The following MAGI2 variants were observed in gnomAD, a reference collection of about 807,000 sequenced individuals.
MAGI2 encodes membrane-associated guanylate kinase, WW and PDZ domain-containing protein 2.
Under a neutral mutation model 133.3 loss-of-function variants are expected in MAGI2, and 35 were observed. The observed-to-expected ratio is 0.26, with a 90% CI of 0.20 to 0.35. The LOEUF is 0.35. Among genes scored for constraint, MAGI2 ranks in the 10% least tolerant of loss-of-function variants. The pLI, the probability that MAGI2 is intolerant of heterozygous loss-of-function variation, is 1.00. For missense variants in MAGI2, 1,636 were observed against 1,863.4 expected (o/e 0.88, Z 2.25); for synonymous variants, 729 against 710.6 (o/e 1.03, Z -0.41).
intron 6 of MAGI2, chr7:78,486,824 T>C (rs1449894347): frequency 2.2e-6 from 1 of 455,710 alleles, no homozygotes; most frequent in Non-Finnish European, 4.3e-6. Context: ...GAAATTGCTG[T>C]CCCTGAGCTC....
At chr7:78,236,969 C>T (rs542673257) in intron 10 of MAGI2, among the ~76,000 whole-genome samples, 1 of 152,104 alleles carries the variant, frequency 6.6e-6, no homozygotes, top group Non-Finnish European at 1.5e-5. Context: ...CATCAGATCT[C>T]GTGAGACTTA....
intron 20 of MAGI2, among the ~76,000 whole-genome samples, chr7:78,089,175 G>T (rs570122725): frequency 7.9e-4 from 121 of 152,338 alleles, no homozygotes; most frequent in African/African-American, 2.8e-3. Context: ...TAAGACAATC[G>T]ATTAGTGTTG....
chr7:78,991,042 G>C (rs1805719532), intron 2 of MAGI2, among the ~76,000 whole-genome samples: 1 of 151,306 alleles, frequency 6.6e-6, no homozygotes, highest in Non-Finnish European at 1.5e-5. Context: ...TAGATCATGG[G>C]GGCAGTTTCC....
chr7:78,083,379 GGAGGGGGGGAGAGAGAGAGAGAGA>G (rs1816210319), intron 20 of MAGI2, among the ~76,000 whole-genome samples: 21 of 91,372 alleles, frequency 2.3e-4, no homozygotes, highest in Admixed American at 2.2e-3. Context: ...GGGGAGGGAG[GGAGGGGGGGAGAGAGAGAGAGAGA>G]GAGAGAGAGA....
intron 2 of MAGI2, among the ~76,000 whole-genome samples, chr7:78,808,335 C>T (rs1252789192): frequency 1.3e-5 from 2 of 152,168 alleles, no homozygotes; most frequent in African/African-American, 4.8e-5. Context: ...CGGCTCACTG[C>T]AACTTCCACC....
intron 1 of MAGI2, among the ~76,000 whole-genome samples, chr7:79,136,870 C>T (rs757057952): frequency 1.1e-3 from 173 of 152,118 alleles, no homozygotes; most frequent in Non-Finnish European, 2.1e-3. Context: ...GGGAGGAGGA[C>T]GAGAATGAGA....
intron 1 of MAGI2, among the ~76,000 whole-genome samples, chr7:79,172,213 G>C (rs1825687706): frequency 6.6e-6 from 1 of 151,992 alleles, no homozygotes; most frequent in Non-Finnish European, 1.5e-5. Context: ...AAAAATATAA[G>C]ACAGAGATGA....
Position 78,185,678 on chromosome 7 carries a change from G to A in MAGI2, c.2270-8C>T. ...TCCTGGGTGGCACTTGTTCTGGATGGGAAAATGGGGAATTAAAGTTGAAAT... is the reference window on the plus strand; with the variant it reads ...TCCTGGGTGGCACTTGTTCTGGATGAGAAAATGGGGAATTAAAGTTGAAAT... On this transcript the variant is annotated splice_region_variant and splice_polypyrimidine_tract_variant and intron_variant, in intron 12 of 21. Coordinates refer to ENST00000354212, the MANE Select transcript of MAGI2 (RefSeq NM_012301.4). 6.4e-7 allele frequency: 1 copy of A among 1,559,550 alleles called. No homozygotes were observed. The highest frequency in any genetic ancestry group is 8.7e-7 in the Non-Finnish European group (1 of 1,144,906).
intron 10 of MAGI2, among the ~76,000 whole-genome samples, chr7:78,208,641 A>G (rs1787372992): frequency 6.6e-6 from 1 of 152,268 alleles, no homozygotes. Flanking sequence ...CAATACTTGC[A>G]AATGGAAAAA....
chr7:78,406,111 A>G (rs1213745915), intron 6 of MAGI2, among the ~76,000 whole-genome samples: 2 of 152,016 alleles, frequency 1.3e-5, no homozygotes, highest in Non-Finnish European at 2.9e-5. Context: ...TCGTCATCCT[A>G]GAGATTCCAA....
At chr7:78,955,756 T>C (rs1461895918) in intron 2 of MAGI2, among the ~76,000 whole-genome samples, 9 of 77,854 alleles carry the variant, frequency 1.2e-4, no homozygotes, top group East Asian at 3.6e-4. Flanking sequence ...TTTCTTTCTT[T>C]CTTTCTTTCT....
At chr7:79,006,754 C>A in intron 2 of MAGI2, 1 of 187,432 alleles carries the variant, frequency 5.3e-6, no homozygotes. Flanking sequence ...TTGCATTCTC[C>A]TGTCTCCCAA....
intron 9 of MAGI2, 74 bp from the exon 10 acceptor site, chr7:78,256,655 C>T (rs756852533): frequency 1.6e-4 from 205 of 1,245,944 alleles, no homozygotes; most frequent in Non-Finnish European, 2.1e-4. Flanking sequence ...GAATTATTTA[C>T]GAGACTAGTG....
chr7:79,368,574 C>T (rs945988210), intron 1 of MAGI2, among the ~76,000 whole-genome samples: 5 of 152,184 alleles, frequency 3.3e-5, no homozygotes, highest in Non-Finnish European at 5.9e-5. Context: ...GTAGGCCAGG[C>T]GCGGTGGCTC....
chr7:78,592,882 T>G (rs1043743279), intron 3 of MAGI2, among the ~76,000 whole-genome samples: 21 of 139,214 alleles, frequency 1.5e-4, no homozygotes, highest in East Asian at 1.1e-3. Flanking sequence ...TTGCCCAGGC[T>G]GGAGGGCAGT....
At position 78,665,195 on chromosome 7, in the gene MAGI2, A is replaced by G. The variant is rs1813417365; in HGVS notation, c.419-37956T>C. Among the ~76,000 whole-genome samples the G allele has an allele frequency of 2.0e-5, 3 of 152,226 alleles. No individual in the cohort carries two copies. The South Asian group carries it at 6.2e-4, about 32-fold the overall frequency. On this transcript the variant is annotated intron_variant, in intron 2 of 21. Transcript: ENST00000354212. ...GGTGATGTTACTACCTACGATTATA[A>G]GTAGTTTTAAGGTTCTTGATACGTG...
chr7:78,981,218 G>T (rs116684162), intron 2 of MAGI2, among the ~76,000 whole-genome samples: 84 of 151,452 alleles, frequency 5.5e-4, no homozygotes, highest in African/African-American at 1.8e-3. Context: ...AATGCTGTCT[G>T]CCTGCCAGTT....
chr7:79,357,433 CTA>C (rs1842093782), intron 1 of MAGI2, among the ~76,000 whole-genome samples: 2 of 152,278 alleles, frequency 1.3e-5, no homozygotes, highest in South Asian at 2.1e-4. Context: ...ACCAAGGAAA[CTA>C]TTTGTTCCAT....
intron 2 of MAGI2, among the ~76,000 whole-genome samples, chr7:78,700,897 C>T (rs1817997097): frequency 6.6e-6 from 1 of 150,982 alleles, no homozygotes; most frequent in Non-Finnish European, 1.5e-5. Context: ...GGAAAAAATA[C>T]TTAAAAGTAA....
Sources: gnomAD v4.1 joint callset for allele counts (sites outside exome capture counted in the v4.1 genomes callset) on GRCh38, gnomAD v4.1.1 for gene constraint, MANE v1.5 for transcripts, NCBI Gene and HGNC (gene_info 2026-07-23, HGNC 2026-07-21) for gene names.